The following SUGT1 variants were observed in gnomAD, a reference collection of about 807,000 sequenced individuals.
SUGT1 encodes SGT1 assembly cochaperone of MIS12 kinetochore complex, also known as protein SGT1 homolog.
Under a neutral mutation model 56.1 loss-of-function variants are expected in SUGT1, and 15 were observed. That is an observed-to-expected ratio of 0.27 (90% CI 0.18 to 0.41). The LOEUF (loss-of-function observed/expected upper bound fraction) is 0.41. SUGT1 is among the 10% of genes least tolerant of loss of function. SUGT1 has a pLI of 1.00. For synonymous variants in SUGT1, 123 were observed against 128.6 expected (o/e 0.96, Z 0.30); for missense variants, 347 against 382.2 (o/e 0.91, Z 0.77).
intron 11 of SUGT1, among the ~76,000 whole-genome samples, chr13:52,677,842 C>T (rs1042054541): frequency 6.6e-6 from 1 of 152,152 alleles, no homozygotes; most frequent in Non-Finnish European, 1.5e-5. Context: ...ACTCATCTCT[C>T]AGTAGTTCAT....
chr13:52,661,319 T>C (rs1962437351), intron 5 of SUGT1, among the ~76,000 whole-genome samples: 1 of 152,008 alleles, frequency 6.6e-6, no homozygotes, highest in Non-Finnish European at 1.5e-5. Context: ...TGTTTGTTTG[T>C]TTGTTTCTTT....
intron 10 of SUGT1, among the ~76,000 whole-genome samples, chr13:52,667,277 T>C (rs1962747361): frequency 6.6e-6 from 1 of 152,234 alleles, no homozygotes. Flanking sequence ...GATGTACAAA[T>C]ACTTTTGTCA....
At chr13:52,669,707 C>A (rs1962853486) in intron 10 of SUGT1, among the ~76,000 whole-genome samples, 1 of 151,718 alleles carries the variant, frequency 6.6e-6, no homozygotes, top group Non-Finnish European at 1.5e-5. Flanking sequence ...ATTTTATATA[C>A]CATATATATA....
In SUGT1 at chr13:52,697,671, T is replaced by A. The variant is rs963496823; in HGVS notation, c.*9836T>A. The A allele has an allele frequency of 3.9e-5, 6 of 152,212 alleles. No homozygotes were observed. Among genetic ancestry groups the A allele is most frequent in the African/African-American group, 1.4e-4 (6 of 41,454 alleles). The allele number at this position is 152,212 out of a possible 1,614,324, so 9.4% of individuals were successfully genotyped here. A position where few individuals can be genotyped will look rare whatever the true frequency, so the allele number is the denominator to read the frequency against. On this transcript the variant is annotated 3_prime_UTR_variant, in exon 13 of 13. Coordinates refer to ENST00000310528, the MANE Select transcript of SUGT1 (RefSeq NM_006704.5). ...ATCAACACCGTTGAGGCCCTTCAAG[T>A]CTTTGCAGTCAAAAGCCATACACTT...
intron 12 of SUGT1, among the ~76,000 whole-genome samples, chr13:52,682,421 G>A (rs564357611): frequency 3.9e-5 from 6 of 152,024 alleles, no homozygotes; most frequent in South Asian, 2.1e-4. Flanking sequence ...GGGTGGTCTC[G>A]AACTTCTGAC....
intron 3 of SUGT1, 141 bp downstream of exon 3, chr13:52,657,763 T>G: frequency 1.4e-6 from 1 of 712,998 alleles, no homozygotes; most frequent in South Asian, 2.0e-5. Flanking sequence ...GACAGACATG[T>G]TGAGCAACAC....
Position 52,653,171 on chromosome 13 carries a change from AC to A in SUGT1, c.96+71del, listed in dbSNP as rs1299191004. The A allele has an allele frequency of 9.5e-6, 15 of 1,587,024 alleles. No individual in the cohort carries two copies. The African/African-American group carries it at 2.0e-4, about 22-fold the overall frequency. The stretch of plus-strand genomic sequence containing the variant: ...GCTGGGCCACTTCGGGTCCCCGCTG[AC>A]CCGCCTTCTCCCCGCACCGCCGGAC... On this transcript the variant is annotated intron_variant, in intron 2 of 12. Transcript: ENST00000310528.
Position 52,694,481 on chromosome 13 carries a change from A to G in SUGT1, c.*6646A>G, listed in dbSNP as rs1176224123. ...AGCACTTTATAAAGAATCGTAAAAT[A>G]AAATAGTGGCAGAAAATATAAACTA... On this transcript the variant is annotated 3_prime_UTR_variant, in exon 13 of 13. Coordinates refer to ENST00000310528, the MANE Select transcript of SUGT1 (RefSeq NM_006704.5). 2.6e-5 allele frequency: 4 copies of G among 152,250 alleles called. No homozygotes were observed. The highest frequency in any genetic ancestry group is 4.8e-5 in the African/African-American group (2 of 41,468). 9.4% of individuals were successfully genotyped at this position (152,250 alleles called of 1,614,324 possible). A position where few individuals can be genotyped will look rare whatever the true frequency, so the allele number is the denominator to read the frequency against.
At chr13:52,653,730 G>A (rs1962029370) in intron 2 of SUGT1, among the ~76,000 whole-genome samples, 1 of 152,198 alleles carries the variant, frequency 6.6e-6, no homozygotes, top group Non-Finnish European at 1.5e-5. Context: ...GTAAAGGAAT[G>A]TAAAAGATCA....
chr13:52,686,080 A>G (rs1177901870), intron 12 of SUGT1, among the ~76,000 whole-genome samples: 1 of 152,168 alleles, frequency 6.6e-6, no homozygotes, highest in East Asian at 1.9e-4. Flanking sequence ...GGCGCATGCC[A>G]CTACGCCTGG....
At chr13:52,673,260 G>A (rs370816117) in intron 10 of SUGT1, among the ~76,000 whole-genome samples, 4 of 148,144 alleles carry the variant, frequency 2.7e-5, no homozygotes, top group South Asian at 4.3e-4. Flanking sequence ...TTTTTTGTGT[G>A]GGGGTAGATA....
Position 52,696,809 on chromosome 13 carries a change from T to A in SUGT1, c.*8974T>A, listed in dbSNP as rs903193530. The A allele has an allele frequency of 2.0e-5, 3 of 151,778 alleles. No homozygotes were observed. The highest frequency in any genetic ancestry group is 7.3e-5 in the African/African-American group (3 of 41,290). 9.4% of individuals were successfully genotyped at this position (151,778 alleles called of 1,614,324 possible). A position where few individuals can be genotyped will look rare whatever the true frequency, so the allele number is the denominator to read the frequency against. The stretch of plus-strand genomic sequence containing the variant: ...CCACCGTTTCTGACAGGATTTTAAT[T>A]TTTAAGTAGGTTTTTAACCCACAGC... On this transcript the variant is annotated 3_prime_UTR_variant, in exon 13 of 13. Transcript: ENST00000310528.
chr13:52,658,607 T>C, intron 4 of SUGT1, 139 bp downstream of exon 4: 1 of 723,198 alleles, frequency 1.4e-6, no homozygotes, highest in Non-Finnish European at 2.1e-6. Flanking sequence ...GATTCAATTT[T>C]AAATACAACT....
At position 52,687,763 on chromosome 13, in the gene SUGT1, C is replaced by A; in HGVS notation, c.930C>A (p.Thr310=). ...FMESGGTVLS[T]NWSDVGKRKV... is the part of the protein sequence containing the mutation. ...AGTCGGGTGGTACAGTTTTGAGTAC[C>A]AACTGGTCTGATGTAGGTAAAAGGA... The change falls in exon 13 of 13, where the codon ACC becomes ACA. Residue 310 remains threonine, a synonymous_variant. Transcript: ENST00000310528. 1 of 1,598,788 alleles carries A rather than the reference C, an allele frequency of 6.3e-7. No individual in the cohort carries two copies. The highest frequency in any genetic ancestry group is 8.5e-7 in the Non-Finnish European group (1 of 1,173,690).
At chr13:52,678,643 GA>G (rs1031159801) in intron 11 of SUGT1, among the ~76,000 whole-genome samples, 2 of 148,590 alleles carry the variant, frequency 1.3e-5, no homozygotes, top group African/African-American at 5.0e-5. Context: ...GAGTTAGTAT[GA>G]AAAAAAGAAT....
chr13:52,658,322 T>A (rs1387989862), intron 3 of SUGT1, 77 bp from the exon 4 acceptor site: 2 of 1,587,676 alleles, frequency 1.3e-6, no homozygotes, highest in East Asian at 4.5e-5. Context: ...CTTAGAAATC[T>A]AAAACTGATT....
chr13:52,656,222 G>T (rs1381471752), intron 2 of SUGT1, among the ~76,000 whole-genome samples: 1 of 152,196 alleles, frequency 6.6e-6, no homozygotes, highest in Non-Finnish European at 1.5e-5. Flanking sequence ...ACTTTTCATT[G>T]AGTGATTACT....
At position 52,672,475 on chromosome 13, in the gene SUGT1, A is replaced by G. The variant is rs1403338996; in HGVS notation, c.628-3755A>G. Among the ~76,000 whole-genome samples, 4 of 152,324 alleles carry G rather than the reference A, an allele frequency of 2.6e-5. No homozygotes were observed. The East Asian group carries it at 5.8e-4, about 22-fold the overall frequency. ...ATTTTTTTGCATTTAAAAAATGATT[A>G]TAGAAATATTTTAGTGTAAAATCAA... On this transcript the variant is annotated intron_variant, in intron 10 of 12. Transcript: ENST00000310528.
In SUGT1 at chr13:52,699,650, A is replaced by G. The variant is rs967729441; in HGVS notation, c.*11815A>G. 1 of 152,168 alleles carries G rather than the reference A, an allele frequency of 6.6e-6. No individual in the cohort carries two copies. Among genetic ancestry groups the G allele is most frequent in the African/African-American group, 2.4e-5 (1 of 41,458 alleles). 9.4% of individuals were successfully genotyped at this position (152,168 alleles called of 1,614,324 possible). On this transcript the variant is annotated 3_prime_UTR_variant, in exon 13 of 13. Transcript: ENST00000310528. ...CTTTAACAGCATTAGTCCCGCTAAG[A>G]GAAAGTTTTTGCTTGTCTAGTTTAT...
Sources: allele counts gnomAD v4.1 joint callset (sites outside exome capture counted in the v4.1 genomes callset), GRCh38; gene constraint gnomAD v4.1.1; transcripts MANE v1.5; gene names NCBI Gene and HGNC (gene_info 2026-07-23, HGNC 2026-07-21).